The following MORN3 variants were observed in gnomAD, a reference collection of about 807,000 sequenced individuals.
The protein encoded by MORN3 is MORN repeat-containing protein 3.
In MORN3, 38 loss-of-function variants were observed where a neutral mutation model predicts 34.7. That is an observed-to-expected ratio of 1.10 (90% confidence interval 0.85 to 1.44). The LOEUF (loss-of-function observed/expected upper bound fraction) is 1.44, where lower values mean the gene tolerates loss of function less well. Among genes scored for constraint, MORN3 ranks in the 40% most tolerant of loss-of-function variants. The probability of loss-of-function intolerance (pLI) is 0.00; values close to 1 mark genes in which losing one functional copy is unlikely to be tolerated. For synonymous variants in MORN3, 109 were observed against 115.3 expected (o/e 0.95, Z 0.35); for missense variants, 311 against 321.7 (o/e 0.97, Z 0.25).
rs1474572184 is a variant in MORN3, at chr12:121,654,294, C to T, written c.443G>A (p.Gly148Glu). 4.4e-6 allele frequency: 7 copies of T among 1,591,028 alleles called. No individual in the cohort carries two copies. The highest frequency in any genetic ancestry group is 6.0e-6 in the Non-Finnish European group (7 of 1,170,258). ...CTCACTCAGGCGCAGCATGCCCTCC[C>T]CGTTGGGCTTGTCGTTCTCCCACTG... ...EGQWENDKPN[G>E]EGMLRLKNGN... is the part of the protein sequence containing the mutation. The change falls in exon 3 of 6, where the codon GGG becomes GAG. Residue 148 changes from glycine (G) to glutamate (E), a missense_variant. Coordinates refer to ENST00000355329, the MANE Select transcript of MORN3 (RefSeq NM_173855.5).
intron 2 of MORN3, among the ~76,000 whole-genome samples, chr12:121,656,209 C>T (rs574558447): frequency 1.3e-5 from 2 of 152,338 alleles, no homozygotes; most frequent in South Asian, 4.1e-4. Context: ...CAGACACACT[C>T]TGCTGTTTTA....
intron 2 of MORN3, among the ~76,000 whole-genome samples, chr12:121,656,507 G>A (rs76023889): frequency 0.038 from 5,787 of 151,662 alleles, 216 homozygotes; most frequent in African/African-American, 0.095. Flanking sequence ...TTATTATATA[G>A]TTTTATTTAT....
intron 1 of MORN3, among the ~76,000 whole-genome samples, chr12:121,661,863 G>C (rs888138912): frequency 6.6e-6 from 1 of 151,608 alleles, no homozygotes; most frequent in Non-Finnish European, 1.5e-5. Flanking sequence ...GCGACAGAGT[G>C]AGACTGTGAA....
chr12:121,671,330 C>T (rs968461058), upstream of MORN3, among the ~76,000 whole-genome samples: 1 of 143,080 alleles, frequency 7.0e-6, no homozygotes, highest in African/African-American at 2.6e-5. Flanking sequence ...TGGCATGACC[C>T]GGGAGGCGGA....
In MORN3 at chr12:121,669,599, T is replaced by C; in HGVS notation, c.-116A>G. Reference sequence around the variant, plus strand: ...CTCAAGTGGGGAGAGTCATGTGTGTTCTGAGTCCCTGGGGCAGGTGAACAG... The same window carrying C: ...CTCAAGTGGGGAGAGTCATGTGTGTCCTGAGTCCCTGGGGCAGGTGAACAG... On this transcript the variant is annotated 5_prime_UTR_variant, in exon 1 of 6. Transcript: ENST00000355329. 7.0e-7 allele frequency: 1 copy of C among 1,422,870 alleles called. No homozygotes were observed. The highest frequency in any genetic ancestry group is 1.2e-5 in the South Asian group (1 of 81,792). The allele number at this position is 1,422,870 out of a possible 1,614,324, so 88.1% of individuals were successfully genotyped here. A position where few individuals can be genotyped will look rare whatever the true frequency, so the allele number is the denominator to read the frequency against.
In MORN3 at chr12:121,669,642, T is replaced by C; in HGVS notation, c.-159A>G. ...GTGAACAGCCCTTAGTGGGGATCCTTTAGTGCTGGACTGACCTTTGGTTGG... is the reference window on the plus strand; with the variant it reads ...GTGAACAGCCCTTAGTGGGGATCCTCTAGTGCTGGACTGACCTTTGGTTGG... On this transcript the variant is annotated 5_prime_UTR_variant, in exon 1 of 6. Coordinates refer to ENST00000355329, the MANE Select transcript of MORN3 (RefSeq NM_173855.5). 1 of 1,036,560 alleles carries C rather than the reference T, an allele frequency of 9.6e-7. No homozygotes were observed. Among genetic ancestry groups the C allele is most frequent in the East Asian group, 2.7e-5 (1 of 36,600 alleles). The allele number at this position is 1,036,560 out of a possible 1,614,324, so 64.2% of individuals were successfully genotyped here. A position where few individuals can be genotyped will look rare whatever the true frequency, so the allele number is the denominator to read the frequency against.
intron 5 of MORN3, among the ~76,000 whole-genome samples, chr12:121,652,446 C>G (rs1338385519): frequency 6.6e-6 from 1 of 152,132 alleles, no homozygotes; most frequent in Admixed American, 6.6e-5. Flanking sequence ...GTTGGCCAGG[C>G]TGGTCTCAAA....
At chr12:121,657,349 A>C (rs1893442012) in intron 2 of MORN3, among the ~76,000 whole-genome samples, 1 of 152,180 alleles carries the variant, frequency 6.6e-6, no homozygotes, top group Non-Finnish European at 1.5e-5. Context: ...TATTTTGCAG[A>C]CCTTGCACTT....
intron 4 of MORN3, 114 bp from the exon 5 acceptor site, chr12:121,652,922 C>CTGA: frequency 6.9e-7 from 1 of 1,438,894 alleles, no homozygotes; most frequent in African/African-American, 1.4e-5. Flanking sequence ...GAGCCACCTC[C>CTGA]CTTGCTAGGG....
intron 2 of MORN3, among the ~76,000 whole-genome samples, chr12:121,656,847 C>T (rs896276599): frequency 2.1e-4 from 32 of 152,076 alleles, no homozygotes; most frequent in Admixed American, 1.9e-3. Flanking sequence ...CTAGGCTGGG[C>T]TTGATGACCT....
intron 2 of MORN3, among the ~76,000 whole-genome samples, 172 bp from the exon 3 acceptor site, chr12:121,654,605 T>C (rs1344742255): frequency 6.6e-6 from 1 of 151,822 alleles, no homozygotes; most frequent in Non-Finnish European, 1.5e-5. Flanking sequence ...TTTTGTTTGT[T>C]TGTTTGTTTT....
upstream of MORN3, among the ~76,000 whole-genome samples, chr12:121,669,834 T>TATA (rs1566488482): frequency 0.11 from 9,908 of 91,888 alleles, 466 homozygotes; most frequent in Middle Eastern, 0.18. Context: ...ATATATATAT[T>TATA]TTTTTTTTTA....
intron 5 of MORN3, among the ~76,000 whole-genome samples, chr12:121,651,923 G>T (rs1242307746): frequency 6.6e-6 from 1 of 151,872 alleles, no homozygotes; most frequent in African/African-American, 2.4e-5. Flanking sequence ...TCAGTGAAAT[G>T]GTTTGTTTGT....
chr12:121,666,438 A>G (rs1449460481), intron 1 of MORN3, among the ~76,000 whole-genome samples: 1 of 152,028 alleles, frequency 6.6e-6, no homozygotes, highest in Non-Finnish European at 1.5e-5. Flanking sequence ...TGGGAAGTGG[A>G]GGTTTCAGTG....
chr12:121,671,853 C>T (rs1893977578), upstream of MORN3, among the ~76,000 whole-genome samples: 1 of 149,686 alleles, frequency 6.7e-6, no homozygotes, highest in African/African-American at 2.5e-5. Flanking sequence ...TGCACTCAGC[C>T]TGGGCAAAAA....
rs782359953 is a variant in MORN3, at chr12:121,653,113, C to T, written c.610G>A (p.Asp204Asn). 4 of 1,613,804 alleles carry T rather than the reference C, an allele frequency of 2.5e-6. No homozygotes were observed. Among genetic ancestry groups the T allele is most frequent in the Admixed American group, 1.7e-5 (1 of 59,970 alleles). The change falls in exon 4 of 6, where the codon GAC (aspartate) becomes AAC (asparagine). Residue 204 changes from aspartate to asparagine, a missense_variant. Physicochemically the swap from Asp to Asn is conservative, Grantham distance 23. Transcript: ENST00000355329. ...KCGTMIDFGRDEAPEPTQFPI... is the reference protein window; with the variant it reads ...KCGTMIDFGRNEAPEPTQFPI... Reference sequence around the variant, plus strand: ...AACTGAGTGGGCTCAGGGGCCTCGTCACGGCCAAAGTCGATCATCGTCCCG... The same window carrying T: ...AACTGAGTGGGCTCAGGGGCCTCGTTACGGCCAAAGTCGATCATCGTCCCG...
intron 1 of MORN3, among the ~76,000 whole-genome samples, chr12:121,664,080 CA>C (rs1340511736): frequency 6.6e-6 from 1 of 152,192 alleles, no homozygotes; most frequent in East Asian, 1.9e-4. Flanking sequence ...CGTGTAAGTC[CA>C]TTTGGGCCAC....
At chr12:121,658,587 AG>A in intron 2 of MORN3, among the ~76,000 whole-genome samples, 1 of 147,608 alleles carries the variant, frequency 6.8e-6, no homozygotes, top group East Asian at 2.0e-4. Context: ...AAAAAAAAAA[AG>A]TTTTAAATAT....
At chr12:121,658,824 T>G (rs1893490708) in intron 2 of MORN3, among the ~76,000 whole-genome samples, 1 of 151,924 alleles carries the variant, frequency 6.6e-6, no homozygotes, top group Non-Finnish European at 1.5e-5. Flanking sequence ...CTACCTCCCT[T>G]TTATTCAGGC....
Sources: allele counts gnomAD v4.1 joint callset (sites outside exome capture counted in the v4.1 genomes callset), GRCh38; gene constraint gnomAD v4.1.1; transcripts MANE v1.5; gene names NCBI Gene and HGNC (gene_info 2026-07-23, HGNC 2026-07-21).